Variants in DDX10 observed in about 807,000 individuals in gnomAD.
DDX10 encodes DEAD-box helicase 10.
A neutral mutation model predicts 104.3 loss-of-function variants in DDX10; 74 were observed. The observed-to-expected ratio is 0.71, with a 90% CI of 0.59 to 0.86. The LOEUF (loss-of-function observed/expected upper bound fraction) is 0.86. Among genes scored for constraint, DDX10 ranks in the 40% least tolerant of loss-of-function variants. DDX10 has a pLI of 0.00. For synonymous variants in DDX10, 351 were observed against 353.4 expected, an observed-to-expected ratio of 0.99 and a Z score of 0.08; for missense variants, 952 against 1,040.0, an observed-to-expected ratio of 0.92 and a Z score of 1.16.
intron 1 of DDX10, among the ~76,000 whole-genome samples, chr11:108,669,659 A>G (rs929839278): frequency 1.3e-5 from 2 of 152,196 alleles, no homozygotes; most frequent in Admixed American, 6.5e-5. Flanking sequence ...GAACCTGTGA[A>G]TATGTTAGAT....
rs1454684204 is a variant in DDX10, at chr11:108,917,912, G to A, written c.2344G>A (p.Asp782Asn). 6.2e-7 allele frequency: 1 copy of A among 1,612,048 alleles called. No homozygotes were observed. The highest frequency in any genetic ancestry group is 8.5e-7 in the Non-Finnish European group (1 of 1,179,388). ...EEEAFLDWSDDDDDDDDGFDP... is the reference protein window; with the variant it reads ...EEEAFLDWSDNDDDDDDGFDP... ...GGAAGCCTTTCTGGATTGGAGTGAT[G>A]ATGATGATGATGATGATGATGGATT... The change falls in exon 17 of 18, where the codon GAT becomes AAT. Residue 782 changes from aspartate (D) to asparagine (N), a missense_variant. By Grantham distance (23) the Asp-to-Asn change is conservative. Around this residue, in one of 3 missense-constraint regions of DDX10, gnomAD observed 533 missense variants for 534.1 expected, o/e 1.00. Transcript: ENST00000322536.
intron 13 of DDX10, among the ~76,000 whole-genome samples, chr11:108,763,080 G>A (rs1031665311): frequency 2.6e-5 from 4 of 152,106 alleles, no homozygotes; most frequent in Non-Finnish European, 5.9e-5. Flanking sequence ...CCTTGAGCAG[G>A]CTTCACTACA....
chr11:108,783,605 G>A (rs1861743172), intron 13 of DDX10, among the ~76,000 whole-genome samples: 1 of 151,954 alleles, frequency 6.6e-6, no homozygotes, highest in Non-Finnish European at 1.5e-5. Context: ...ATGTGGGAGG[G>A]GTTAAATCCA....
chr11:108,734,719 C>T (rs536298994), intron 13 of DDX10, among the ~76,000 whole-genome samples: 3 of 152,008 alleles, frequency 2.0e-5, no homozygotes, highest in East Asian at 1.9e-4. Context: ...TTTTACAGGC[C>T]GTATTTATCT....
intron 1 of DDX10, among the ~76,000 whole-genome samples, chr11:108,672,867 A>C (rs1173526643): frequency 6.6e-6 from 1 of 152,252 alleles, no homozygotes; most frequent in Non-Finnish European, 1.5e-5. Flanking sequence ...AATGTTACTT[A>C]TTGTGGCTTC....
intron 3 of DDX10, 102 bp downstream of exon 3, chr11:108,675,828 A>G (rs1408467556): frequency 1.7e-5 from 24 of 1,423,132 alleles, no homozygotes; most frequent in Non-Finnish European, 1.6e-5. Flanking sequence ...GTTAGATTTC[A>G]TGATAGATTG....
intron 13 of DDX10, among the ~76,000 whole-genome samples, chr11:108,730,743 G>A (rs2094311030): frequency 6.6e-6 from 1 of 152,048 alleles, no homozygotes; most frequent in Non-Finnish European, 1.5e-5. Context: ...AATTTGGATA[G>A]TAAGTGGTAG....
At chr11:108,800,432 G>A (rs1276119245) in intron 13 of DDX10, among the ~76,000 whole-genome samples, 3 of 87,162 alleles carry the variant, frequency 3.4e-5, no homozygotes, top group Non-Finnish European at 4.1e-5. Context: ...GCGACAGAGC[G>A]AGACTCTTTC....
intron 16 of DDX10, among the ~76,000 whole-genome samples, chr11:108,890,636 C>A (rs1053913186): frequency 6.6e-6 from 1 of 151,700 alleles, no homozygotes; most frequent in Non-Finnish European, 1.5e-5. Context: ...GCTCCTCATT[C>A]ATTAAACTAC....
chr11:108,848,279 A>G (rs965050611), intron 15 of DDX10, among the ~76,000 whole-genome samples: 13 of 152,148 alleles, frequency 8.5e-5, no homozygotes, highest in African/African-American at 1.7e-4. Flanking sequence ...TTCCATAGCT[A>G]TGGCCATTTA....
intron 10 of DDX10, among the ~76,000 whole-genome samples, chr11:108,715,569 C>T (rs2094290295): frequency 6.6e-6 from 1 of 152,224 alleles, no homozygotes; most frequent in Admixed American, 6.5e-5. Context: ...TAGAATGGAT[C>T]TCTCATGGGA....
chr11:108,839,708 G>T (rs552407955), intron 14 of DDX10, among the ~76,000 whole-genome samples: 1 of 152,148 alleles, frequency 6.6e-6, no homozygotes. Context: ...TCACAAAATC[G>T]TGTGCCATTC....
At chr11:108,862,213 A>G (rs1477590655) in intron 16 of DDX10, among the ~76,000 whole-genome samples, 1 of 152,176 alleles carries the variant, frequency 6.6e-6, no homozygotes, top group Admixed American at 6.5e-5. Flanking sequence ...TGATAGAAAC[A>G]GGATCTCTCT....
intron 16 of DDX10, among the ~76,000 whole-genome samples, chr11:108,880,238 G>A (rs1007720442): frequency 2.0e-5 from 3 of 152,144 alleles, no homozygotes; most frequent in Non-Finnish European, 4.4e-5. Flanking sequence ...GTGCAGTGGG[G>A]GGTGTAGAAT....
chr11:108,906,840 G>A (rs535446161), intron 16 of DDX10, among the ~76,000 whole-genome samples: 1 of 152,320 alleles, frequency 6.6e-6, no homozygotes, highest in South Asian at 2.1e-4. Flanking sequence ...AGCAATTTAG[G>A]AAGAAGAATG....
intron 16 of DDX10, among the ~76,000 whole-genome samples, chr11:108,867,060 G>A (rs1417983522): frequency 3.9e-5 from 6 of 152,102 alleles, no homozygotes; most frequent in East Asian, 3.9e-4. Flanking sequence ...ATAATGAACC[G>A]TGGAAATATT....
At chr11:108,885,912 A>T (rs892533154) in intron 16 of DDX10, among the ~76,000 whole-genome samples, 1 of 152,170 alleles carries the variant, frequency 6.6e-6, no homozygotes, top group South Asian at 2.1e-4. Context: ...AAAATCTTCT[A>T]TTTATTACAC....
At chr11:108,877,266 G>A (rs990464276) in intron 16 of DDX10, among the ~76,000 whole-genome samples, 8 of 152,078 alleles carry the variant, frequency 5.3e-5, no homozygotes, top group African/African-American at 1.9e-4. Context: ...TCATATTTAT[G>A]ATTCTTTGAA....
chr11:108,853,383 C>T (rs1288373311), intron 16 of DDX10, among the ~76,000 whole-genome samples: 1 of 152,156 alleles, frequency 6.6e-6, no homozygotes, highest in Non-Finnish European at 1.5e-5. Flanking sequence ...CACTAAGAAG[C>T]TCTCATTTCT....
Sources: gnomAD v4.1 joint callset for allele counts (sites outside exome capture counted in the v4.1 genomes callset) on GRCh38, gnomAD v4.1.1 for gene constraint, gnomAD v4.1.1 regional missense constraint, MANE v1.5 for transcripts, NCBI Gene and HGNC (gene_info 2026-07-23, HGNC 2026-07-21) for gene names.